The following TNRC6C variants were observed in gnomAD, a reference collection of about 807,000 sequenced individuals.
The protein encoded by TNRC6C is trinucleotide repeat-containing gene 6C protein.
A neutral mutation model predicts 153.7 loss-of-function variants in TNRC6C; 20 were observed. The ratio of observed to expected loss-of-function variants is 0.13; its 90% CI spans 0.09 to 0.19. The LOEUF (loss-of-function observed/expected upper bound fraction) is 0.19, where lower values mean the gene tolerates loss of function less well. Among genes scored for constraint, TNRC6C ranks in the 10% least tolerant of loss-of-function variants. The pLI, the probability that TNRC6C is intolerant of heterozygous loss-of-function variation, is 1.00. For missense variants in TNRC6C, 1,987 were observed against 2,172.0 expected (o/e 0.91, Z 1.69); for synonymous variants, 811 against 841.4 (o/e 0.96, Z 0.63).
At chr17:78,058,909 TTATAAAA>T (rs1157990806) in intron 3 of TNRC6C, among the ~76,000 whole-genome samples, 2 of 152,226 alleles carry the variant, frequency 1.3e-5, no homozygotes, top group Non-Finnish European at 2.9e-5. Context: ...AATTATCATC[TTATAAAA>T]TATAAAACCA....
At chr17:77,973,765 G>T (rs1225617617) in intron 1 of TNRC6C, among the ~76,000 whole-genome samples, 1 of 152,116 alleles carries the variant, frequency 6.6e-6, no homozygotes, top group Non-Finnish European at 1.5e-5. Context: ...AAATCCTGGG[G>T]AATAAATTTA....
intron 17 of TNRC6C, among the ~76,000 whole-genome samples, 176 bp from the exon 21 acceptor site, chr17:78,102,298 C>T (rs1411402211): frequency 3.3e-5 from 5 of 152,190 alleles, no homozygotes; most frequent in African/African-American, 1.2e-4. Flanking sequence ...TCTGCAGGGA[C>T]TGTGAGGTTT....
chr17:78,061,548 G>C lies in TNRC6C; in HGVS notation c.2396-3174G>C, dbSNP rs961539733. On this transcript the variant is annotated intron_variant, in intron 3 of 19. Coordinates refer to ENST00000301624, the Ensembl canonical transcript of TNRC6C. ...ATGAAAATACTGGGCCAGGTGTGGG[G>C]GCAGGCATCTGTAATCTCAGCTACT... Among the ~76,000 whole-genome samples, 3 of 152,070 alleles carry C rather than the reference G, an allele frequency of 2.0e-5. No individual in the cohort carries two copies. In the East Asian group the frequency reaches 5.8e-4, roughly 29 times the overall value.
chr17:78,084,914 G>A (rs1389150930), intron 11 of TNRC6C, among the ~76,000 whole-genome samples: 1 of 152,220 alleles, frequency 6.6e-6, no homozygotes, highest in Non-Finnish European at 1.5e-5. Flanking sequence ...TTACAGGCGT[G>A]AGCCACTGCG....
exon 20 of TNRC6C, chr17:78,108,727 T>C (rs2073758295): frequency 6.5e-6 from 1 of 154,036 alleles, no homozygotes; most frequent in Non-Finnish European, 1.5e-5. Context: ...TTTCCACCCA[T>C]GGGTGAAAAA....
At chr17:78,064,373 G>A (rs1639213877) in intron 3 of TNRC6C, among the ~76,000 whole-genome samples, 1 of 152,128 alleles carries the variant, frequency 6.6e-6, no homozygotes, top group African/African-American at 2.4e-5. Context: ...TTACAGGCAT[G>A]AGCCACCGCA....
At chr17:77,958,038 G>A (rs2070822492), upstream of TNRC6C, among the ~76,000 whole-genome samples, 1 of 152,228 alleles carries the variant, frequency 6.6e-6, no homozygotes, top group Non-Finnish European at 1.5e-5. Context: ...GCGCAAGGGC[G>A]GGCCGGGAGG....
chr17:77,976,520 G>A (rs2070999258), intron 1 of TNRC6C, among the ~76,000 whole-genome samples: 1 of 152,132 alleles, frequency 6.6e-6, no homozygotes, highest in South Asian at 2.1e-4. Context: ...TGTCTCCTGT[G>A]GTATTATCTT....
intron 7 of TNRC6C, among the ~76,000 whole-genome samples, chr17:78,073,955 C>T (rs2073041490): frequency 6.6e-6 from 1 of 152,196 alleles, no homozygotes; most frequent in Non-Finnish European, 1.5e-5. Context: ...CCAGATGTTA[C>T]TTGAGTACTT....
At chr17:77,997,276 A>G (rs1404634930) in intron 1 of TNRC6C, among the ~76,000 whole-genome samples, 1 of 152,180 alleles carries the variant, frequency 6.6e-6, no homozygotes, top group African/African-American at 2.4e-5. Flanking sequence ...TGAAAATAAT[A>G]TCAGGGTTCC....
chr17:78,005,037 T>C (rs576745824), upstream of TNRC6C: 9 of 1,215,434 alleles, frequency 7.4e-6, no homozygotes, highest in South Asian at 3.3e-4. Context: ...TCTTTCTTTC[T>C]CTCTCTTTTT....
At chr17:78,074,911 A>G (rs1007213110) in intron 7 of TNRC6C, among the ~76,000 whole-genome samples, 7 of 152,338 alleles carry the variant, frequency 4.6e-5, no homozygotes, top group African/African-American at 1.4e-4. Context: ...TGCAGGAGCC[A>G]CGGAAGGGTG....
At chr17:78,037,135 A>G (rs978614628) in intron 2 of TNRC6C, among the ~76,000 whole-genome samples, 2 of 152,176 alleles carry the variant, frequency 1.3e-5, no homozygotes, top group African/African-American at 4.8e-5. Context: ...ACATTTTGCC[A>G]TTTCTTAGAC....
Position 77,976,796 on chromosome 17 carries a change from G to A in TNRC6C, c.-38+17528G>A, listed in dbSNP as rs933881035. ...ATACAAAAATTATCTGGGCGTGGTG[G>A]CAGGTGCTTATAATCCCAGCTATTG... is the stretch of plus-strand genomic sequence containing the variant. On this transcript the variant is annotated intron_variant, in intron 1 of 22. Transcript: ENST00000636222. 2.0e-5 allele frequency among the ~76,000 whole-genome samples: 3 copies of A among 151,914 alleles called. No individual in the cohort carries two copies. In the South Asian group the frequency reaches 6.2e-4, roughly 32 times the overall value.
chr17:77,988,376 T>TAC (rs113058619), intron 1 of TNRC6C, among the ~76,000 whole-genome samples: 4,632 of 151,732 alleles, frequency 0.031, 205 homozygotes, highest in African/African-American at 0.11. Context: ...TATCTCTTTA[T>TAC]ACACACACAC....
rs180826028 is a variant in TNRC6C at position 78,047,085 on chromosome 17, A to C, written c.-218-1760A>C. On this transcript the variant is annotated intron_variant, in intron 2 of 19. Coordinates refer to ENST00000301624, the Ensembl canonical transcript of TNRC6C. Reference sequence around the variant, plus strand: ...TGCAGTGAGTGCTGTCTTAGTCAAGAGGCAGCCTGCCTTATGGCACAACCT... The same window carrying C: ...TGCAGTGAGTGCTGTCTTAGTCAAGCGGCAGCCTGCCTTATGGCACAACCT... Among the ~76,000 whole-genome samples the C allele has an allele frequency of 6.0e-4, 92 of 152,192 alleles. 1 individual carries two copies. Among genetic ancestry groups the C allele is most frequent in the African/African-American group, 2.1e-3 (88 of 41,528 alleles).
At chr17:78,095,653 G>A (rs8075795) in intron 16 of TNRC6C, among the ~76,000 whole-genome samples, 2 of 152,122 alleles carry the variant, frequency 1.3e-5, no homozygotes, top group Admixed American at 6.5e-5. Context: ...CTCCACTCTG[G>A]TACCTCTCTT....
At chr17:78,095,853 G>A (rs771146075) in intron 16 of TNRC6C, among the ~76,000 whole-genome samples, 4 of 152,136 alleles carry the variant, frequency 2.6e-5, no homozygotes, top group Non-Finnish European at 5.9e-5. Context: ...AAACCAGCCT[G>A]GGCAATATAA....
upstream of TNRC6C, among the ~76,000 whole-genome samples, chr17:78,001,803 G>A (rs544424869): frequency 2.6e-5 from 4 of 151,944 alleles, no homozygotes; most frequent in South Asian, 6.3e-4. Flanking sequence ...TATTTGACAG[G>A]GATATGGAAG....
Sources: gnomAD v4.1 joint callset for allele counts (sites outside exome capture counted in the v4.1 genomes callset) on GRCh38, gnomAD v4.1.1 for gene constraint, MANE v1.5 for transcripts, NCBI Gene and HGNC (gene_info 2026-07-23, HGNC 2026-07-21) for gene names.